Variants in ASPH observed in about 807,000 individuals in gnomAD.
ASPH encodes aspartate beta-hydroxylase.
ASPH carries 100 observed loss-of-function variants against 118.4 expected under a neutral mutation model. The ratio of observed to expected loss-of-function variants is 0.84; its 90% CI spans 0.72 to 1.00. The LOEUF (loss-of-function observed/expected upper bound fraction) is 1.00, where lower values mean the gene tolerates loss of function less well. Ranked by LOEUF, ASPH falls within the 50% of genes least tolerant of loss-of-function variation. The pLI is 0.00. For synonymous variants in ASPH, 315 were observed against 325.6 expected (o/e 0.97, Z 0.35); for missense variants, 920 against 919.5 (o/e 1.00, Z -0.01).
At chr8:61,579,213 G>A in intron 15 of ASPH, 1 of 1,613,436 alleles carries the variant, frequency 6.2e-7, no homozygotes, top group Non-Finnish European at 8.5e-7. Context: ...GGCTTCCCTG[G>A]AGGCCGCCAT....
chr8:61,685,944 T>C (rs993987761), intron 1 of ASPH, among the ~76,000 whole-genome samples: 2 of 152,078 alleles, frequency 1.3e-5, no homozygotes, highest in African/African-American at 2.4e-5. Context: ...AATTTTTGTA[T>C]TTTTAGTAGA....
intron 1 of ASPH, chr8:61,687,281 G>A: frequency 6.6e-6 from 1 of 152,096 alleles, no homozygotes; most frequent in Middle Eastern, 3.2e-3. Flanking sequence ...GTTATTGACT[G>A]TAACACTAAA....
intron 24 of ASPH, among the ~76,000 whole-genome samples, chr8:61,512,235 T>C (rs962454231): frequency 1.3e-5 from 2 of 152,176 alleles, no homozygotes; most frequent in Non-Finnish European, 2.9e-5. Context: ...TAGATCCATC[T>C]GGAACCTGAG....
Position 61,562,807 on chromosome 8 carries a change from A to AT in ASPH, c.1373dup (p.Asn458LysfsTer2), listed in dbSNP as rs1269999348. The AT allele has an allele frequency of 1.9e-6, 3 of 1,612,744 alleles. No individual in the cohort carries two copies. In the African/African-American group the frequency reaches 4.0e-5, roughly 22 times the overall value. Reference sequence around the variant, plus strand: ...TCAAGAGGTATCCCACGCCAAGGTCATTTTTTAAGGAAGTATCATTGGGAA... The same window carrying AT: ...TCAAGAGGTATCCCACGCCAAGGTCATTTTTTTAAGGAAGTATCATTGGGAA... On this transcript the variant is annotated frameshift_variant, in exon 18 of 25. Coordinates refer to ENST00000379454, the MANE Select transcript of ASPH (RefSeq NM_004318.4). LOFTEE classifies it high-confidence loss of function.
chr8:61,555,213 T>C (rs1827432044), intron 19 of ASPH, among the ~76,000 whole-genome samples: 1 of 152,174 alleles, frequency 6.6e-6, no homozygotes. Context: ...AATATATAAT[T>C]AACTTGTAAA....
chr8:61,615,854 C>T (rs1307240042), intron 14 of ASPH, among the ~76,000 whole-genome samples: 1 of 152,096 alleles, frequency 6.6e-6, no homozygotes, highest in Admixed American at 6.6e-5. Context: ...AAGGCCATTC[C>T]ATTTTTTTAC....
rs909290520 is a variant in ASPH, at chr8:61,631,348, C to A, written c.934+2335G>T. Among the ~76,000 whole-genome samples the A allele has an allele frequency of 2.6e-5, 4 of 152,170 alleles. No individual in the cohort carries two copies. In the South Asian group the frequency reaches 8.3e-4, roughly 32 times the overall value. ...TCAGAGCAAATTCCAGTGCTGTAAG[C>A]TCTACTCATGAAGTGCCCTATACAG... On this transcript the variant is annotated intron_variant, in intron 13 of 24. Transcript: ENST00000379454.
chr8:61,681,141 A>G (rs1434044995), intron 2 of ASPH, 105 bp from the exon 3 acceptor site: 11 of 829,408 alleles, frequency 1.3e-5, no homozygotes, highest in Non-Finnish European at 2.0e-5. Flanking sequence ...AATGTTACCA[A>G]TTAATACAAT....
chr8:61,636,418 T>C (rs1227805097), intron 12 of ASPH, among the ~76,000 whole-genome samples: 2 of 152,196 alleles, frequency 1.3e-5, no homozygotes, highest in East Asian at 3.9e-4. Context: ...GTTTCTGGTC[T>C]GGGAATCCAA....
chr8:61,706,454 GA>G (rs1240165487), intron 1 of ASPH, among the ~76,000 whole-genome samples: 4 of 132,284 alleles, frequency 3.0e-5, no homozygotes, highest in East Asian at 2.1e-4. Context: ...AGAAGAAGAA[GA>G]AGGAGGAAGA....
rs142916219 is a variant in ASPH, at chr8:61,568,961, A to G, written c.1150-1643T>C. On this transcript the variant is annotated intron_variant, in intron 16 of 24. Coordinates refer to ENST00000379454, the MANE Select transcript of ASPH (RefSeq NM_004318.4). ...TGGGACATAGTACAGCATGCTTCCA[A>G]GGAGATGCAAGAGACTCAGTAGAGA... Among the ~76,000 whole-genome samples the G allele has an allele frequency of 2.0e-3, 310 of 152,284 alleles. 1 individual carries two copies. The highest frequency in any genetic ancestry group is 3.7e-3 in the Non-Finnish European group (251 of 68,016).
At chr8:61,554,394 T>C (rs1362984074) in intron 19 of ASPH, among the ~76,000 whole-genome samples, 1 of 152,234 alleles carries the variant, frequency 6.6e-6, no homozygotes, top group African/African-American at 2.4e-5. Context: ...TGCAAGCTAT[T>C]TGCAATCAGT....
chr8:61,582,478 T>C (rs1837881728), intron 15 of ASPH, among the ~76,000 whole-genome samples: 1 of 152,190 alleles, frequency 6.6e-6, no homozygotes, highest in Non-Finnish European at 1.5e-5. Context: ...CCACAAACAG[T>C]AGATGGCTTC....
chr8:61,663,357 C>G, intron 3 of ASPH: 2 of 985,352 alleles, frequency 2.0e-6, no homozygotes, highest in Non-Finnish European at 2.4e-6. Flanking sequence ...CTAACCAGGC[C>G]AACTGGAATT....
chr8:61,584,635 C>CTTTCTTTCTTTCTTTCTT (rs1563919036), intron 14 of ASPH, among the ~76,000 whole-genome samples: 1 of 34,564 alleles, frequency 2.9e-5, no homozygotes, highest in East Asian at 5.1e-4. Context: ...TTCTTTCCTT[C>CTTTCTTTCTTTCTTTCTT]TTTCTTTCTT....
chr8:61,576,683 A>G (rs770993017), intron 16 of ASPH, 89 bp downstream of exon 16: 267 of 1,138,130 alleles, frequency 2.3e-4, no homozygotes, highest in Non-Finnish European at 3.3e-4. Flanking sequence ...GAGAAATTAG[A>G]AAGGGAAAAT....
At chr8:61,606,087 T>A (rs1845490898) in intron 14 of ASPH, among the ~76,000 whole-genome samples, 1 of 152,220 alleles carries the variant, frequency 6.6e-6, no homozygotes, top group Non-Finnish European at 1.5e-5. Context: ...CTCTTAGGAC[T>A]GTCTGGAAGT....
intron 8 of ASPH, 109 bp downstream of exon 8, chr8:61,643,836 C>A (rs1031663711): frequency 1.2e-6 from 1 of 826,326 alleles, no homozygotes; most frequent in Admixed American, 2.3e-5. Context: ...ATTATAAATA[C>A]CATACAGGGA....
intron 3 of ASPH, among the ~76,000 whole-genome samples, chr8:61,676,846 G>C (rs1281439531): frequency 6.6e-6 from 1 of 151,814 alleles, no homozygotes; most frequent in East Asian, 1.9e-4. Context: ...TTAAGACCTG[G>C]AGCTGACTTA....
Sources: gnomAD v4.1 joint callset for allele counts (sites outside exome capture counted in the v4.1 genomes callset) on GRCh38, gnomAD v4.1.1 for gene constraint, MANE v1.5 for transcripts, NCBI Gene and HGNC (gene_info 2026-07-23, HGNC 2026-07-21) for gene names.